The following FAM120C variants were observed in gnomAD, a reference collection of about 807,000 sequenced individuals.
FAM120C encodes the protein family with sequence similarity 120 member C.
A neutral mutation model predicts 71.2 loss-of-function variants in FAM120C; 14 were observed. The observed-to-expected ratio is 0.20, with a 90% CI of 0.13 to 0.31. The LOEUF (loss-of-function observed/expected upper bound fraction) is 0.31. FAM120C is among the 10% of genes least tolerant of loss of function. The pLI is 1.00. For synonymous variants in FAM120C, 354 were observed against 353.2 expected (o/e 1.00, Z -0.03); for missense variants, 500 against 879.0 (o/e 0.57, Z 5.45).
chrX:54,094,199 A>C (rs1471865884), intron 10 of FAM120C, among the ~76,000 whole-genome samples: 1 of 102,997 alleles, frequency 9.7e-6, no homozygotes, highest in Non-Finnish European at 1.9e-5. Context: ...CTGGGTTCAC[A>C]CCATTCTCCT....
rs191781762 is a variant in FAM120C at position 54,173,249 on chromosome X, T to C, written c.699+9251A>G. ...TTCAGCATTCATCATTTTTGTATAA[T>C]GATATTTCTTTTTTTTGAGACGGAG... On this transcript the variant is annotated intron_variant, in intron 1 of 15. Coordinates refer to ENST00000375180, the MANE Select transcript of FAM120C (RefSeq NM_017848.6). Among the ~76,000 whole-genome samples, 38 of 112,575 alleles carry C rather than the reference T, an allele frequency of 3.4e-4. No homozygotes were observed. In the East Asian group the frequency reaches 9.1e-3, roughly 27 times the overall value.
At chrX:54,074,459 C>T (rs1342747320) in intron 15 of FAM120C, among the ~76,000 whole-genome samples, 1 of 112,815 alleles carries the variant, frequency 8.9e-6, no homozygotes, top group African/African-American at 3.2e-5. Flanking sequence ...ACTCTTGTTG[C>T]CCAGGCTGGA....
chrX:54,180,891 A>C (rs1425975668), intron 1 of FAM120C, among the ~76,000 whole-genome samples: 1 of 111,610 alleles, frequency 9.0e-6, no homozygotes, highest in African/African-American at 3.3e-5. Context: ...GCCAGCAACC[A>C]GGTTAATAAC....
chrX:54,147,082 G>A (rs781832078), intron 4 of FAM120C, among the ~76,000 whole-genome samples: 102 of 111,151 alleles, frequency 9.2e-4, no homozygotes, highest in Middle Eastern at 4.7e-3. Flanking sequence ...TTGGGAGGCC[G>A]AGGCGGACGG....
intron 3 of FAM120C, among the ~76,000 whole-genome samples, chrX:54,155,130 G>C (rs1429714840): frequency 1.8e-5 from 2 of 111,692 alleles, no homozygotes; most frequent in African/African-American, 6.5e-5. Context: ...ATTGAGTCCG[G>C]GAGTTCGAGG....
chrX:54,174,478 A>G (rs2067305620), intron 1 of FAM120C, among the ~76,000 whole-genome samples: 2 of 112,234 alleles, frequency 1.8e-5, no homozygotes, highest in Non-Finnish European at 3.8e-5. Context: ...GTGGTTCACC[A>G]AAAGGGGTCA....
At chrX:54,140,152 C>G (rs781837682) in intron 4 of FAM120C, among the ~76,000 whole-genome samples, 1 of 107,179 alleles carries the variant, frequency 9.3e-6, no homozygotes, top group Non-Finnish European at 1.9e-5. Flanking sequence ...AAAAATTAGC[C>G]GGGTGTGGTG....
intron 4 of FAM120C, among the ~76,000 whole-genome samples, chrX:54,148,621 T>G (rs191454970): frequency 1.0e-3 from 113 of 111,808 alleles, no homozygotes; most frequent in African/African-American, 3.2e-3. Flanking sequence ...CACACCAGCC[T>G]GGGCAATAAA....
chrX:54,104,662 G>T (rs1263438196), intron 10 of FAM120C, among the ~76,000 whole-genome samples: 2 of 110,093 alleles, frequency 1.8e-5, no homozygotes, highest in Non-Finnish European at 3.8e-5. Context: ...ACAAAAATTA[G>T]CCAGGTGTAG....
chrX:54,117,463 C>G (rs953561763), intron 9 of FAM120C, among the ~76,000 whole-genome samples: 2 of 106,158 alleles, frequency 1.9e-5, no homozygotes, highest in African/African-American at 7.0e-5. Context: ...TTTTGGGAGG[C>G]TGAGGTAGAT....
intron 7 of FAM120C, 69 bp from the exon 8 acceptor site, chrX:54,134,115 C>T: frequency 9.3e-7 from 1 of 1,080,690 alleles, no homozygotes; most frequent in Non-Finnish European, 1.2e-6. Flanking sequence ...ACTTAAGATG[C>T]CTGTTCTGGA....
rs782657502 is a variant in FAM120C, at chrX:54,177,845, G to C, written c.699+4655C>G. On this transcript the variant is annotated intron_variant, in intron 1 of 15. Transcript: ENST00000375180. ...AGGCAGAAGAGGAATAAGGAAAAGAGAAGAAAGAACTAGAGGGTTACAAGG... is the reference window on the plus strand; with the variant it reads ...AGGCAGAAGAGGAATAAGGAAAAGACAAGAAAGAACTAGAGGGTTACAAGG... Among the ~76,000 whole-genome samples, 3 of 111,814 alleles carry C rather than the reference G, an allele frequency of 2.7e-5. No homozygotes were observed. In the East Asian group the frequency reaches 8.5e-4, roughly 32 times the overall value.
intron 10 of FAM120C, among the ~76,000 whole-genome samples, chrX:54,100,109 G>A (rs1439572223): frequency 8.9e-6 from 1 of 111,777 alleles, no homozygotes; most frequent in Non-Finnish European, 1.9e-5. Flanking sequence ...ATTTTGGGAG[G>A]CTGAGGCGGG....
intron 10 of FAM120C, 65 bp from the exon 11 acceptor site, chrX:54,091,491 T>A: frequency 1.2e-6 from 1 of 832,980 alleles, no homozygotes; most frequent in Non-Finnish European, 1.8e-6. Context: ...AAAAACTTAT[T>A]AAGCTAAGAA....
At chrX:54,078,885 C>CCGGG (rs1282603611) in intron 15 of FAM120C, among the ~76,000 whole-genome samples, 3 of 109,667 alleles carry the variant, frequency 2.7e-5, no homozygotes, top group African/African-American at 6.6e-5. Context: ...AGTTTAAAGG[C>CCGGG]CGGGCGCAGT....
At chrX:54,098,914 C>T (rs1205113900) in intron 10 of FAM120C, among the ~76,000 whole-genome samples, 1 of 111,375 alleles carries the variant, frequency 9.0e-6, no homozygotes, top group Non-Finnish European at 1.9e-5. Flanking sequence ...CCACAGTGCC[C>T]GGCTGACATT....
intron 1 of FAM120C, among the ~76,000 whole-genome samples, chrX:54,176,104 C>A (rs144168459): frequency 0.016 from 1,821 of 111,464 alleles, 41 homozygotes; most frequent in African/African-American, 0.056. Context: ...CTACACTGAG[C>A]CTGTTTTTTT....
At position 54,159,412 on chromosome X, in the gene FAM120C, C is replaced by T; in HGVS notation, c.904G>A (p.Gly302Ser). The T allele has an allele frequency of 8.3e-7, 1 of 1,211,580 alleles. No individual in the cohort carries two copies. The highest frequency in any genetic ancestry group is 3.0e-5 in the East Asian group (1 of 33,831). Residue 302 changes from glycine to serine, a missense_variant, in exon 2 of 16, where the codon GGC becomes AGC. By Grantham distance (56) the Gly-to-Ser change is moderately conservative. Around this residue, in one of 11 missense-constraint regions of FAM120C, gnomAD observed 45 missense variants for 140.2 expected, o/e 0.32. Coordinates refer to ENST00000375180, the MANE Select transcript of FAM120C (RefSeq NM_017848.6). ...FLMQEVAKQL[G>S]LKRMNFPIFA... ...ATGGGGAAATTCATCCTCTTCAGGCCCAGCTGCTTGGCTACTTCTTGCATC... is the reference window on the plus strand; with the variant it reads ...ATGGGGAAATTCATCCTCTTCAGGCTCAGCTGCTTGGCTACTTCTTGCATC...
intron 1 of FAM120C, 118 bp downstream of exon 1, chrX:54,182,382 G>A (rs2067355003): frequency 2.3e-6 from 2 of 866,842 alleles, no homozygotes; most frequent in East Asian, 6.9e-5. Flanking sequence ...GCTGTTGGGC[G>A]GGTAGGTGGG....
Sources: allele counts gnomAD v4.1 joint callset (sites outside exome capture counted in the v4.1 genomes callset), GRCh38; gene constraint gnomAD v4.1.1; regional missense constraint gnomAD v4.1.1; transcripts MANE v1.5; gene names NCBI Gene and HGNC (gene_info 2026-07-23, HGNC 2026-07-21).